The following ARSB variants were observed in gnomAD, a reference collection of about 807,000 sequenced individuals.
The protein encoded by ARSB is arylsulfatase B, also known as N-acetylgalactosamine-4-sulfatase.
In ARSB, 41 loss-of-function variants were observed where a neutral mutation model predicts 50.9. The observed-to-expected ratio is 0.81, with a 90% CI of 0.63 to 1.04. ARSB has a LOEUF of 1.04. Among genes scored for constraint, ARSB ranks in the 50% least tolerant of loss-of-function variants. The probability of loss-of-function intolerance (pLI) is 0.00; values close to 1 mark genes in which losing one functional copy is unlikely to be tolerated. For missense variants in ARSB, 672 were observed against 693.3 expected (o/e 0.97, Z 0.35); for synonymous variants, 269 against 284.8 (o/e 0.94, Z 0.56).
intron 4 of ARSB, among the ~76,000 whole-genome samples, chr5:78,953,231 A>T (rs1751560582): frequency 6.6e-6 from 1 of 152,242 alleles, no homozygotes; most frequent in Non-Finnish European, 1.5e-5. Context: ...TCCTCAGTAG[A>T]TCAATATTGC....
chr5:78,928,893 T>G (rs1346660718), intron 4 of ARSB, among the ~76,000 whole-genome samples: 1 of 152,208 alleles, frequency 6.6e-6, no homozygotes, highest in East Asian at 1.9e-4. Flanking sequence ...TGGTCTTGTG[T>G]GCCTCTTTGA....
intron 4 of ARSB, among the ~76,000 whole-genome samples, chr5:78,917,322 C>T (rs1749599376): frequency 6.6e-6 from 1 of 152,180 alleles, no homozygotes; most frequent in African/African-American, 2.4e-5. Context: ...GGAACGTCAA[C>T]TCAAATTTTA....
intron 4 of ARSB, among the ~76,000 whole-genome samples, chr5:78,941,699 G>C (rs1228039541): frequency 2.0e-5 from 3 of 152,064 alleles, no homozygotes; most frequent in Non-Finnish European, 4.4e-5. Flanking sequence ...TTTTATTGAG[G>C]ATTTTTGCAT....
At chr5:78,900,540 C>T (rs1748757155) in intron 4 of ARSB, among the ~76,000 whole-genome samples, 1 of 152,056 alleles carries the variant, frequency 6.6e-6, no homozygotes, top group Non-Finnish European at 1.5e-5. Context: ...TCTGATTCTC[C>T]AATCATATGC....
chr5:78,926,771 A>G (rs1420002631), intron 4 of ARSB, among the ~76,000 whole-genome samples: 1 of 152,246 alleles, frequency 6.6e-6, no homozygotes, highest in Non-Finnish European at 1.5e-5. Context: ...AATTACTGCA[A>G]TTATGAAGCT....
At chr5:78,806,589 C>T (rs1743573223) in intron 6 of ARSB, among the ~76,000 whole-genome samples, 1 of 152,178 alleles carries the variant, frequency 6.6e-6, no homozygotes, top group Admixed American at 6.5e-5. Context: ...CTATTAAGTT[C>T]CTTGTCAGTC....
chr5:78,866,282 C>A (rs1671097993), intron 5 of ARSB, among the ~76,000 whole-genome samples: 1 of 152,186 alleles, frequency 6.6e-6, no homozygotes, highest in South Asian at 2.1e-4. Flanking sequence ...TGGCAGCAGG[C>A]AAAACGAGAG....
intron 5 of ARSB, among the ~76,000 whole-genome samples, chr5:78,876,820 A>G (rs868168225): frequency 6.6e-6 from 1 of 152,194 alleles, no homozygotes; most frequent in Non-Finnish European, 1.5e-5. Context: ...GCGGTGGGCT[A>G]GCAAGCTTTA....
intron 6 of ARSB, among the ~76,000 whole-genome samples, chr5:78,794,987 T>G (rs2112636611): frequency 6.6e-6 from 1 of 152,216 alleles, no homozygotes; most frequent in East Asian, 1.9e-4. Flanking sequence ...GGCATTTTAC[T>G]TAGCCTCTGT....
chr5:78,841,973 A>G (rs566145612), intron 5 of ARSB, among the ~76,000 whole-genome samples: 1 of 152,318 alleles, frequency 6.6e-6, no homozygotes, highest in Non-Finnish European at 1.5e-5. Context: ...AATATATGAC[A>G]AGTGATTGAA....
intron 5 of ARSB, among the ~76,000 whole-genome samples, chr5:78,851,321 A>C (rs1464377591): frequency 1.3e-5 from 2 of 152,150 alleles, no homozygotes; most frequent in African/African-American, 4.8e-5. Context: ...TTAAGTACCC[A>C]GTAGTCATTC....
At chr5:78,937,884 T>C (rs1750710867) in intron 4 of ARSB, among the ~76,000 whole-genome samples, 1 of 152,038 alleles carries the variant, frequency 6.6e-6, no homozygotes, top group Admixed American at 6.6e-5. Context: ...ATCGCAGAAC[T>C]CAAACATGAG....
chr5:78,797,764 T>C (rs1743236444), intron 6 of ARSB, among the ~76,000 whole-genome samples: 2 of 152,240 alleles, frequency 1.3e-5, no homozygotes, highest in Non-Finnish European at 2.9e-5. Flanking sequence ...ATGTCCGATG[T>C]GCACTGCCAA....
intron 6 of ARSB, among the ~76,000 whole-genome samples, chr5:78,800,736 C>G (rs1743358373): frequency 6.6e-6 from 1 of 152,064 alleles, no homozygotes; most frequent in Admixed American, 6.5e-5. Flanking sequence ...TGATAAATGC[C>G]AAAGGAGTGG....
At chr5:78,973,132 C>A (rs1246248341) in intron 1 of ARSB, among the ~76,000 whole-genome samples, 2 of 152,132 alleles carry the variant, frequency 1.3e-5, no homozygotes, top group Non-Finnish European at 2.9e-5. Flanking sequence ...AGGAAGGCAA[C>A]CGGGCACCAA....
chr5:78,931,379 T>C (rs1392793368), intron 4 of ARSB, among the ~76,000 whole-genome samples: 1 of 152,214 alleles, frequency 6.6e-6, no homozygotes, highest in Non-Finnish European at 1.5e-5. Flanking sequence ...CCTAAATGTC[T>C]ATCTTGAATC....
intron 6 of ARSB, among the ~76,000 whole-genome samples, chr5:78,783,662 G>T (rs979131641): frequency 6.6e-6 from 1 of 152,056 alleles, no homozygotes; most frequent in Non-Finnish European, 1.5e-5. Context: ...GAACCCTCAT[G>T]GTTTACTCCT....
chr5:78,943,914 C>A (rs552565454), intron 4 of ARSB, among the ~76,000 whole-genome samples: 14 of 152,344 alleles, frequency 9.2e-5, no homozygotes, highest in South Asian at 8.3e-4. Flanking sequence ...TTCAGGTACA[C>A]CAATCAGATG....
chr5:78,902,842 T>G (rs1368792649), intron 4 of ARSB, among the ~76,000 whole-genome samples: 2 of 152,198 alleles, frequency 1.3e-5, no homozygotes, highest in East Asian at 3.8e-4. Context: ...AATTAGACAA[T>G]GGTGATGATT....
Sources: allele counts gnomAD v4.1 joint callset (sites outside exome capture counted in the v4.1 genomes callset), GRCh38; gene constraint gnomAD v4.1.1; transcripts MANE v1.5; gene names NCBI Gene and HGNC (gene_info 2026-07-23, HGNC 2026-07-21).